RHPN2: variants seen among roughly 807,000 people sequenced by gnomAD.
RHPN2 encodes the protein rhophilin Rho GTPase binding protein 2, also known as rhophilin-2.
RHPN2 carries 40 observed loss-of-function variants against 79.0 expected under a neutral mutation model. That is an observed-to-expected ratio of 0.51 (90% CI 0.39 to 0.66). RHPN2 has a LOEUF of 0.66. Ranked by LOEUF, RHPN2 falls within the 30% of genes least tolerant of loss-of-function variation. The pLI, the probability that RHPN2 is intolerant of heterozygous loss-of-function variation, is 0.00. For synonymous variants in RHPN2, 285 were observed against 363.5 expected, an observed-to-expected ratio of 0.78 and a Z score of 2.46; for missense variants, 686 against 883.5, an observed-to-expected ratio of 0.78 and a Z score of 2.83.
Position 32,980,267 on chromosome 19 carries a change from A to C in RHPN2, c.1801-11T>G, listed in dbSNP as rs764314607. The C allele has an allele frequency of 1.2e-6, 2 of 1,613,928 alleles. No homozygotes were observed. The highest frequency in any genetic ancestry group is 2.2e-5 in the East Asian group (1 of 44,886). Reference sequence around the variant, plus strand: ...GGCACTCTTATTATGCTGCACATAGAAAAGTAAGAAAAAGGGCGTCAGGCA... The same window carrying C: ...GGCACTCTTATTATGCTGCACATAGCAAAGTAAGAAAAAGGGCGTCAGGCA... On this transcript the variant is annotated splice_polypyrimidine_tract_variant and intron_variant, in intron 14 of 14. Transcript: ENST00000254260.
In RHPN2 at chr19:33,011,022, A is replaced by G. The variant is rs17755482; in HGVS notation, c.593+657T>C. On this transcript the variant is annotated intron_variant, in intron 6 of 14. Transcript: ENST00000254260. The stretch of plus-strand genomic sequence containing the variant: ...ACTATACTAACCTTTGAAAATACCA[A>G]TTGGGTCTACGGCCATACCACCCTG... Among the ~76,000 whole-genome samples, 1,325 of 152,228 alleles carry G rather than the reference A, an allele frequency of 8.7e-3. 10 individuals carry two copies. Among genetic ancestry groups the G allele is most frequent in the South Asian group, 0.017 (80 of 4,830 alleles).
intron 10 of RHPN2, among the ~76,000 whole-genome samples, chr19:32,998,922 G>A (rs1971725912): frequency 7.9e-6 from 1 of 126,374 alleles, no homozygotes; most frequent in African/African-American, 3.0e-5. Context: ...GGAGCGGAGG[G>A]TAACAGGGGA....
intron 3 of RHPN2, among the ~76,000 whole-genome samples, chr19:33,024,198 CT>C (rs1971948170): frequency 6.6e-6 from 1 of 152,094 alleles, no homozygotes; most frequent in Admixed American, 6.6e-5. Flanking sequence ...CTTTGGGAGG[CT>C]GAGGTGGGTG....
chr19:33,035,781 G>A (rs77873952), intron 2 of RHPN2, among the ~76,000 whole-genome samples: 6,973 of 152,144 alleles, frequency 0.046, 243 homozygotes, highest in Non-Finnish European at 0.072. Flanking sequence ...CAGATATCCC[G>A]ATATCTGGAG....
At chr19:33,056,116 C>CA (rs1481663652) in intron 1 of RHPN2, among the ~76,000 whole-genome samples, 1 of 134,362 alleles carries the variant, frequency 7.4e-6, no homozygotes, top group African/African-American at 2.9e-5. Flanking sequence ...TTCTTTTTTC[C>CA]TTTTTTTTTT....
At chr19:33,053,386 A>T (rs114827600) in intron 1 of RHPN2, among the ~76,000 whole-genome samples, 3,378 of 150,620 alleles carry the variant, frequency 0.022, 124 homozygotes, top group African/African-American at 0.078. Flanking sequence ...GCTTATTTCA[A>T]CTGGTAGGAC....
intron 2 of RHPN2, among the ~76,000 whole-genome samples, chr19:33,031,667 C>T (rs894264829): frequency 3.3e-5 from 5 of 151,752 alleles, no homozygotes; most frequent in African/African-American, 1.2e-4. Context: ...TACAGATATG[C>T]ACCATTGCGC....
At chr19:33,032,049 C>G (rs1276691082) in intron 2 of RHPN2, among the ~76,000 whole-genome samples, 25 of 106,686 alleles carry the variant, frequency 2.3e-4, no homozygotes, top group Non-Finnish European at 5.2e-5. Context: ...GAGGCAGAGT[C>G]TCACTCTTTC....
chr19:33,026,655 G>C (rs201145701), intron 2 of RHPN2, 23 bp from the exon 3 acceptor site: 240 of 1,600,882 alleles, frequency 1.5e-4, no homozygotes, highest in Non-Finnish European at 2.0e-4. Flanking sequence ...AAGAGGGAGA[G>C]AAGTGCCCTC....
At chr19:33,004,599 T>G (rs927107108) in intron 7 of RHPN2, among the ~76,000 whole-genome samples, 15 of 151,922 alleles carry the variant, frequency 9.9e-5, no homozygotes, top group African/African-American at 3.4e-4. Context: ...ATTTTAACAC[T>G]ATTTATTTAT....
chr19:33,028,919 A>G (rs1172140116), intron 2 of RHPN2, among the ~76,000 whole-genome samples: 2 of 152,034 alleles, frequency 1.3e-5, no homozygotes, highest in African/African-American at 4.8e-5. Flanking sequence ...TGGGTAGATC[A>G]CCTGAGGTCA....
intron 14 of RHPN2, among the ~76,000 whole-genome samples, chr19:32,983,228 C>T (rs1468525529): frequency 3.9e-5 from 6 of 151,914 alleles, no homozygotes; most frequent in African/African-American, 1.5e-4. Context: ...AAAAGCCTTT[C>T]TTGGCGGGGC....
chr19:32,984,205 G>T (rs1038083887), intron 14 of RHPN2, among the ~76,000 whole-genome samples: 2 of 152,142 alleles, frequency 1.3e-5, no homozygotes, highest in Admixed American at 1.3e-4. Context: ...GTAGCCAAGG[G>T]CAGCAGGTCA....
At chr19:33,031,952 T>G (rs1367362369) in intron 2 of RHPN2, among the ~76,000 whole-genome samples, 2 of 149,968 alleles carry the variant, frequency 1.3e-5, no homozygotes, top group Non-Finnish European at 3.0e-5. Flanking sequence ...TCTCCTGACC[T>G]CGTGATCCAC....
intron 14 of RHPN2, among the ~76,000 whole-genome samples, chr19:32,981,464 G>C (rs1399539381): frequency 7.1e-6 from 1 of 140,564 alleles, no homozygotes; most frequent in Admixed American, 7.3e-5. Flanking sequence ...GGGAAGAGGG[G>C]AAGGAAAGGG....
Position 33,044,267 on chromosome 19 carries a change from C to G in RHPN2, c.167G>C (p.Gly56Ala). Residue 56 changes from glycine (G) to alanine (A), a missense_variant, in exon 2 of 15, where the codon GGA becomes GCA. Physicochemically the swap from Gly to Ala is moderately conservative, Grantham distance 60 (BLOSUM62 0). Transcript: ENST00000254260. ...CACCTACTTCAGAAGGTTTTCCGCT[C>G]CGGTCCTCATCCGCACGGCTTTCAG... ...QILKAVRMRT[G>A]AENLLKVATN... 2 of 1,613,920 alleles carry G rather than the reference C, an allele frequency of 1.2e-6. No individual in the cohort carries two copies. The highest frequency in any genetic ancestry group is 1.7e-6 in the Non-Finnish European group (2 of 1,179,930).
intron 1 of RHPN2, among the ~76,000 whole-genome samples, chr19:33,059,209 C>T (rs575685614): frequency 5.3e-5 from 8 of 152,198 alleles, no homozygotes; most frequent in African/African-American, 1.9e-4. Flanking sequence ...CACCCCCCGC[C>T]TCGACTCCTG....
At chr19:33,063,756 T>TA in intron 1 of RHPN2, among the ~76,000 whole-genome samples, 1 of 149,960 alleles carries the variant, frequency 6.7e-6, no homozygotes, top group Non-Finnish European at 1.5e-5. Flanking sequence ...TGTTATCTTC[T>TA]GGGCCCAAGA....
chr19:33,025,929 T>C (rs1971961954), intron 3 of RHPN2, among the ~76,000 whole-genome samples: 1 of 152,132 alleles, frequency 6.6e-6, no homozygotes, highest in South Asian at 2.1e-4. Flanking sequence ...ACTTTTAAAC[T>C]TATCTTGGCT....
Sources: gnomAD v4.1 joint callset for allele counts (sites outside exome capture counted in the v4.1 genomes callset) on GRCh38, gnomAD v4.1.1 for gene constraint, MANE v1.5 for transcripts, NCBI Gene and HGNC (gene_info 2026-07-23, HGNC 2026-07-21) for gene names.